The following CAST variants were observed in gnomAD, a reference collection of about 807,000 sequenced individuals.
CAST encodes calpastatin, also known as MIR583 host.
In CAST, 76 loss-of-function variants were observed where a neutral mutation model predicts 119.6. The ratio of observed to expected loss-of-function variants is 0.64; its 90% CI spans 0.53 to 0.77. The LOEUF is 0.77. Ranked by LOEUF, CAST falls within the 30% of genes least tolerant of loss-of-function variation. The probability of loss-of-function intolerance (pLI) is 0.00; values close to 1 mark genes in which losing one functional copy is unlikely to be tolerated. For missense variants in CAST, 953 were observed against 946.5 expected, an observed-to-expected ratio of 1.01 and a Z score of -0.09; for synonymous variants, 319 against 331.6, an observed-to-expected ratio of 0.96 and a Z score of 0.41.
intron 1 of CAST, among the ~76,000 whole-genome samples, chr5:96,559,143 G>A (rs1362242492): frequency 1.3e-5 from 2 of 152,004 alleles, no homozygotes; most frequent in Admixed American, 1.3e-4. Context: ...AAACGCCTTT[G>A]ACAAAATTCA....
In CAST at chr5:96,695,835, G is replaced by C. The variant is rs1223104892; in HGVS notation, c.139-1G>C. On this transcript the variant is annotated splice_acceptor_variant, in intron 2 of 31. Transcript: ENST00000675179. LOFTEE classifies it high-confidence loss of function. ...TGAAACTAATATTTTCTATTTTCAA[G>C]AAAAAAGCAGCAAGCCTCGGCAGCA... The C allele has an allele frequency of 6.2e-7, 1 of 1,608,824 alleles. No individual in the cohort carries two copies. Among genetic ancestry groups the C allele is most frequent in the Non-Finnish European group, 8.5e-7 (1 of 1,175,966 alleles).
At chr5:96,641,576 C>A (rs1282094688) in intron 1 of CAST, among the ~76,000 whole-genome samples, 1 of 152,148 alleles carries the variant, frequency 6.6e-6, no homozygotes, top group African/African-American at 2.4e-5. Flanking sequence ...GGAGTTTAGA[C>A]CCTTACGACC....
At chr5:96,309,669 C>A in the CAST span, among the ~76,000 whole-genome samples, 1 of 152,158 alleles carries the variant, frequency 6.6e-6, no homozygotes, top group Non-Finnish European at 1.5e-5. Context: ...CTGTTCCTCC[C>A]AGTACAGTCT....
chr5:96,474,540 C>T, the CAST span, among the ~76,000 whole-genome samples: 1 of 152,288 alleles, frequency 6.6e-6, no homozygotes, highest in South Asian at 2.1e-4. Context: ...CTCTCCTTCT[C>T]ATCAAGAAAC....
At chr5:96,085,486 T>C in the CAST span, among the ~76,000 whole-genome samples, 1 of 152,248 alleles carries the variant, frequency 6.6e-6, no homozygotes, top group Non-Finnish European at 1.5e-5. Flanking sequence ...TAAACATTAT[T>C]TGCACTGCTG....
chr5:96,446,384 C>T, the CAST span, among the ~76,000 whole-genome samples: 1 of 152,044 alleles, frequency 6.6e-6, no homozygotes, highest in South Asian at 2.1e-4. Context: ...CCAATTGTGT[C>T]TCTGTAATTT....
At chr5:96,350,787 G>A in the CAST span, among the ~76,000 whole-genome samples, 4 of 152,168 alleles carry the variant, frequency 2.6e-5, no homozygotes, top group African/African-American at 9.6e-5. Flanking sequence ...ATGTTAAAAG[G>A]AACAGCACAT....
intron 1 of CAST, among the ~76,000 whole-genome samples, chr5:96,638,884 T>C (rs1747915580): frequency 6.6e-6 from 1 of 152,174 alleles, no homozygotes; most frequent in African/African-American, 2.4e-5. Flanking sequence ...CTATCCCTTC[T>C]CAGTTTCATC....
the CAST span, among the ~76,000 whole-genome samples, chr5:96,359,398 C>A: frequency 1.3e-5 from 2 of 151,972 alleles, no homozygotes; most frequent in African/African-American, 4.8e-5. Flanking sequence ...GTTATTTTGC[C>A]CATTAGTTGA....
In CAST at chr5:96,616,140, G is replaced by A. The variant is rs12332421; in HGVS notation, c.61-59399G>A. ...TCTTTCCGAGCCCACTGACTCAAACGTTAATCTTCTTTGGCAACACCCTCA... is the reference window on the plus strand; with the variant it reads ...TCTTTCCGAGCCCACTGACTCAAACATTAATCTTCTTTGGCAACACCCTCA... On this transcript the variant is annotated intron_variant, in intron 1 of 11. Coordinates refer to the CAST transcript ENST00000505143. Among the ~76,000 whole-genome samples, 520 of 152,320 alleles carry A rather than the reference G, an allele frequency of 3.4e-3. 6 individuals are homozygous for A. The highest frequency in any genetic ancestry group is 0.011 in the African/African-American group (478 of 41,568).
chr5:95,968,563 G>C, the CAST span, among the ~76,000 whole-genome samples: 1 of 151,986 alleles, frequency 6.6e-6, no homozygotes, highest in African/African-American at 2.4e-5. Flanking sequence ...CTCTTCCCGC[G>C]GGACTGTATC....
chr5:96,560,747 G>T (rs1746342743), intron 1 of CAST, among the ~76,000 whole-genome samples: 1 of 152,122 alleles, frequency 6.6e-6, no homozygotes, highest in South Asian at 2.1e-4. Flanking sequence ...CTTTTACACT[G>T]TTGGTGGGAC....
intron 3 of CAST, among the ~76,000 whole-genome samples, chr5:96,721,205 T>C (rs1184078436): frequency 6.6e-6 from 1 of 152,098 alleles, no homozygotes; most frequent in Non-Finnish European, 1.5e-5. Context: ...TGCGTGTGTG[T>C]GTATTTTGGT....
Position 96,617,790 on chromosome 5 carries a change from TAAAAAAAAAAAAAAAAAAAAAAAAAA to T in CAST, c.61-57735_61-57710del, listed in dbSNP as rs1162873931. On this transcript the variant is annotated intron_variant, in intron 1 of 11. Coordinates refer to the CAST transcript ENST00000505143. ...CTGGGCAACAGAGCAAAATTCCATCTAAAAAAAAAAAAAAAAAAAAAAAAAAAAAAAAAAAAAAACACTCTTAGGAG... is the reference window on the plus strand; with the variant it reads ...CTGGGCAACAGAGCAAAATTCCATCTAAAAAAAAAAAAACACTCTTAGGAG... Among the ~76,000 whole-genome samples, 15 of 22,000 alleles carry T rather than the reference TAAAAAAAAAAAAAAAAAAAAAAAAAA, an allele frequency of 6.8e-4. No homozygotes were observed. In the South Asian group the frequency reaches 0.014, roughly 21 times the overall value. The allele number at this position is 22,000 out of a possible 152,430, so 14.4% of individuals were successfully genotyped here. A position where few individuals can be genotyped will look rare whatever the true frequency, so the allele number is the denominator to read the frequency against.
chr5:96,163,670 A>G, the CAST span, among the ~76,000 whole-genome samples: 2 of 152,226 alleles, frequency 1.3e-5, no homozygotes, highest in Non-Finnish European at 2.9e-5. Context: ...ATCAGGTATC[A>G]AGACTTAGGA....
chr5:96,290,547 C>T, the CAST span, among the ~76,000 whole-genome samples: 1 of 152,156 alleles, frequency 6.6e-6, no homozygotes, highest in South Asian at 2.1e-4. Context: ...TGAGTCTAAG[C>T]AGTGACGATG....
the CAST span, among the ~76,000 whole-genome samples, chr5:96,021,622 A>G: frequency 6.6e-6 from 1 of 151,884 alleles, no homozygotes; most frequent in South Asian, 2.1e-4. Flanking sequence ...ATTTTTTTGT[A>G]TTTTTAGTAG....
chr5:96,763,028 C>A, intron 25 of CAST: 1 of 710,248 alleles, frequency 1.4e-6, no homozygotes, highest in South Asian at 1.5e-5. Context: ...CACAGCACAT[C>A]AAATTATAAA....
At chr5:96,016,309 T>G in the CAST span, among the ~76,000 whole-genome samples, 9 of 152,250 alleles carry the variant, frequency 5.9e-5, no homozygotes, top group African/African-American at 2.2e-4. Context: ...GCTCAAGTAC[T>G]AACCAGAATG....
Sources: gnomAD v4.1 joint callset for allele counts (sites outside exome capture counted in the v4.1 genomes callset) on GRCh38, gnomAD v4.1.1 for gene constraint, MANE v1.5 for transcripts, NCBI Gene and HGNC (gene_info 2026-07-23, HGNC 2026-07-21) for gene names.